Variants in DTWD2 observed in about 807,000 individuals in gnomAD.
DTWD2 encodes tRNA-uridine aminocarboxypropyltransferase 2.
DTWD2 carries 39 observed loss-of-function variants against 31.8 expected under a neutral mutation model. The observed-to-expected ratio is 1.22, with a 90% CI of 0.95 to 1.60. The LOEUF (loss-of-function observed/expected upper bound fraction) is 1.60, where lower values mean the gene tolerates loss of function less well. DTWD2 is among the 40% of genes most tolerant of loss of function. The pLI, the probability that DTWD2 is intolerant of heterozygous loss-of-function variation, is 0.00. For missense variants in DTWD2, 515 were observed against 381.5 expected, an observed-to-expected ratio of 1.35 and a Z score of -2.92; for synonymous variants, 180 against 142.8, an observed-to-expected ratio of 1.26 and a Z score of -1.86.
chr5:118,917,062 T>C (rs1294950211), intron 4 of DTWD2, among the ~76,000 whole-genome samples: 1 of 152,228 alleles, frequency 6.6e-6, no homozygotes, highest in Non-Finnish European at 1.5e-5. Context: ...AAAAATATAA[T>C]AATATACTAA....
chr5:118,910,361 G>A (rs1210202845), intron 4 of DTWD2, among the ~76,000 whole-genome samples: 2 of 152,100 alleles, frequency 1.3e-5, no homozygotes, highest in Non-Finnish European at 2.9e-5. Context: ...TTCTGCCAAG[G>A]TCTTTATTAC....
At chr5:118,977,686 G>A (rs1463873772) in intron 1 of DTWD2, among the ~76,000 whole-genome samples, 1 of 152,210 alleles carries the variant, frequency 6.6e-6, no homozygotes, top group Non-Finnish European at 1.5e-5. Context: ...GGAAATCAGA[G>A]AGGACACAAA....
chr5:118,974,129 G>C, intron 1 of DTWD2: 1 of 1,570,122 alleles, frequency 6.4e-7, no homozygotes, highest in Non-Finnish European at 8.6e-7. Flanking sequence ...TGACTAGACA[G>C]CAAAAAAGGA....
chr5:118,874,352 G>A (rs1580779621), intron 4 of DTWD2, among the ~76,000 whole-genome samples: 1 of 152,238 alleles, frequency 6.6e-6, no homozygotes, highest in East Asian at 1.9e-4. Context: ...GAACCAGGGT[G>A]AGGCTGAGAT....
intron 4 of DTWD2, among the ~76,000 whole-genome samples, chr5:118,895,413 T>C (rs902042669): frequency 6.6e-6 from 1 of 152,188 alleles, no homozygotes; most frequent in East Asian, 1.9e-4. Flanking sequence ...GAAGAATTAA[T>C]ATTGTCAAAA....
At chr5:118,912,935 A>G (rs1438277470) in intron 4 of DTWD2, among the ~76,000 whole-genome samples, 1 of 152,194 alleles carries the variant, frequency 6.6e-6, no homozygotes, top group East Asian at 1.9e-4. Flanking sequence ...TACCAAAGCT[A>G]TCAACAAGAT....
chr5:118,923,970 T>A (rs936659211), intron 4 of DTWD2, among the ~76,000 whole-genome samples: 10 of 152,188 alleles, frequency 6.6e-5, no homozygotes, highest in African/African-American at 2.4e-4. Context: ...TCAAGAGCTG[T>A]CATAATTGCT....
chr5:118,841,540 C>T (rs576721599), intron 5 of DTWD2, among the ~76,000 whole-genome samples: 88 of 152,258 alleles, frequency 5.8e-4, no homozygotes, highest in South Asian at 4.8e-3. Flanking sequence ...AATGGGTAAA[C>T]GGTTTGCTAT....
intron 1 of DTWD2, chr5:118,974,151 A>G: frequency 1.4e-6 from 2 of 1,417,882 alleles, no homozygotes; most frequent in South Asian, 1.2e-5. Context: ...AAGTTAAACT[A>G]AAAAAAAAGG....
chr5:118,935,544 G>T (rs1318016023), intron 3 of DTWD2, among the ~76,000 whole-genome samples: 1 of 152,196 alleles, frequency 6.6e-6, no homozygotes, highest in African/African-American at 2.4e-5. Flanking sequence ...TCGCTTGCTT[G>T]TGGGGAGAAA....
intron 4 of DTWD2, among the ~76,000 whole-genome samples, chr5:118,851,240 A>C (rs1317964425): frequency 6.8e-6 from 1 of 147,974 alleles, no homozygotes; most frequent in African/African-American, 2.5e-5. Flanking sequence ...AAAAAAAAAG[A>C]AAGAAAAAAC....
At chr5:118,877,341 G>A (rs183164885) in intron 4 of DTWD2, among the ~76,000 whole-genome samples, 23 of 152,066 alleles carry the variant, frequency 1.5e-4, no homozygotes, top group African/African-American at 4.6e-4. Context: ...GCGTGGTGGC[G>A]GGTGCCTGTA....
intron 4 of DTWD2, among the ~76,000 whole-genome samples, chr5:118,917,530 A>G (rs1477991963): frequency 6.6e-6 from 1 of 152,200 alleles, no homozygotes; most frequent in Admixed American, 6.5e-5. Flanking sequence ...CAATTTATAA[A>G]GAAAATAGGT....
chr5:118,902,013 TTAAG>T (rs1753221237), intron 4 of DTWD2, among the ~76,000 whole-genome samples: 3 of 152,212 alleles, frequency 2.0e-5, no homozygotes, highest in South Asian at 2.1e-4. Flanking sequence ...TTTTTATTAT[TTAAG>T]TATTTTGAAC....
intron 1 of DTWD2, among the ~76,000 whole-genome samples, chr5:118,976,712 A>G (rs746033721): frequency 2.6e-5 from 4 of 152,232 alleles, no homozygotes; most frequent in Non-Finnish European, 4.4e-5. Flanking sequence ...CCTACCAACC[A>G]AAAACAGCTC....
At chr5:118,887,569 T>C (rs1038941806) in intron 4 of DTWD2, among the ~76,000 whole-genome samples, 1 of 152,156 alleles carries the variant, frequency 6.6e-6, no homozygotes, top group Non-Finnish European at 1.5e-5. Flanking sequence ...TACAAAAGCA[T>C]GGGTCTGAAG....
intron 1 of DTWD2, among the ~76,000 whole-genome samples, chr5:118,967,141 T>C (rs1449364768): frequency 2.0e-5 from 3 of 149,756 alleles, no homozygotes; most frequent in Non-Finnish European, 4.4e-5. Context: ...GTTGAACAAA[T>C]AATCAAACAT....
At chr5:118,880,038 C>T (rs1294904350) in intron 4 of DTWD2, among the ~76,000 whole-genome samples, 5 of 152,146 alleles carry the variant, frequency 3.3e-5, no homozygotes, top group Admixed American at 3.3e-4. Flanking sequence ...GCCTCTATAT[C>T]TTATGCACCG....
At chr5:118,869,360 C>T (rs1299256359) in intron 4 of DTWD2, among the ~76,000 whole-genome samples, 1 of 152,098 alleles carries the variant, frequency 6.6e-6, no homozygotes, top group Non-Finnish European at 1.5e-5. Context: ...CTAGAGAAAA[C>T]TACAGCAGAT....
Sources: gnomAD v4.1 joint callset for allele counts (sites outside exome capture counted in the v4.1 genomes callset) on GRCh38, gnomAD v4.1.1 for gene constraint, MANE v1.5 for transcripts, NCBI Gene and HGNC (gene_info 2026-07-23, HGNC 2026-07-21) for gene names.